SLC8A2: variants seen among roughly 807,000 people sequenced by gnomAD.
SLC8A2 encodes the protein sodium/calcium exchanger 2.
Under a neutral mutation model 70.2 loss-of-function variants are expected in SLC8A2, and 14 were observed. The ratio of observed to expected loss-of-function variants is 0.20; its 90% CI spans 0.13 to 0.31. The LOEUF (loss-of-function observed/expected upper bound fraction) is 0.31. Ranked by LOEUF, SLC8A2 falls within the 10% of genes least tolerant of loss-of-function variation. The pLI, the probability that SLC8A2 is intolerant of heterozygous loss-of-function variation, is 1.00. For synonymous variants in SLC8A2, 575 were observed against 594.3 expected (o/e 0.97, Z 0.47); for missense variants, 779 against 1,320.1 (o/e 0.59, Z 6.35).
Position 47,448,186 on chromosome 19 carries a change from C to G in SLC8A2, c.1386G>C (p.Leu462=). 1 of 1,610,622 alleles carries G rather than the reference C, an allele frequency of 6.2e-7. No individual in the cohort carries two copies. The highest frequency in any genetic ancestry group is 8.5e-7 in the Non-Finnish European group (1 of 1,178,274). ...VFKPGETQKE[L]RIGIIDDDIF... ...TGTCGTCGTCGATGATGCCGATGCG[C>G]AGCTCCTTCTGCGTCTCGCCTGGTT... Residue 462 remains leucine, a synonymous_variant, in exon 4 of 10, where the codon CTG becomes CTC. Transcript: ENST00000236877. This position sits in a 1 kb window ranked among gnomAD's most constrained non-coding sequence, Gnocchi z 4.8.
intron 3 of SLC8A2, among the ~76,000 whole-genome samples, chr19:47,456,128 G>A (rs1412910586): frequency 6.6e-6 from 1 of 152,174 alleles, no homozygotes; most frequent in African/African-American, 2.4e-5. Flanking sequence ...AGTAATGGTG[G>A]GAGAAGGCTT....
At chr19:47,437,664 C>T in intron 7 of SLC8A2, 103 bp from the exon 8 acceptor site, 1 of 1,172,448 alleles carries the variant, frequency 8.5e-7, no homozygotes, top group Non-Finnish European at 1.3e-6. Context: ...CCCAGGGGTC[C>T]TCAACTTTCC....
At chr19:47,443,868 G>A (rs1411504515) in intron 4 of SLC8A2, among the ~76,000 whole-genome samples, 3 of 151,772 alleles carry the variant, frequency 2.0e-5, no homozygotes, top group East Asian at 1.9e-4. Context: ...GACTCTCTCC[G>A]TTCTCTGTCT....
At chr19:47,470,703 C>T (rs1373680133) in intron 1 of SLC8A2, among the ~76,000 whole-genome samples, 1 of 152,316 alleles carries the variant, frequency 6.6e-6, no homozygotes, top group Non-Finnish European at 1.5e-5. Flanking sequence ...GCAGGAAGGA[C>T]TGGTCCAGTT....
intron 2 of SLC8A2, among the ~76,000 whole-genome samples, chr19:47,463,041 TATAA>T (rs1271824944): frequency 6.6e-6 from 1 of 152,202 alleles, no homozygotes; most frequent in Non-Finnish European, 1.5e-5. Flanking sequence ...GCTTATTCAT[TATAA>T]ATAGATGCCT....
rs752319294 is a variant in SLC8A2 at position 47,437,465 on chromosome 19, C to T, written c.2107G>A (p.Ala703Thr). The change falls in exon 8 of 10, where the codon GCA becomes ACA. Residue 703 changes from alanine to threonine, a missense_variant. By Grantham distance (58) the Ala-to-Thr change is moderately conservative. Transcript: ENST00000236877. Reference protein sequence around the residue: ...EQFLEAITVSAGDEEEEEDGS... With the variant: ...EQFLEAITVSTGDEEEEEDGS... ...TCTCTCCTCCCTCCCCACTTACCTG[C>T]GCTCACCGTAATTGCCTCTAAAAAC... 5.6e-6 allele frequency: 9 copies of T among 1,598,146 alleles called. No homozygotes were observed. The highest frequency in any genetic ancestry group is 2.7e-5 in the African/African-American group (2 of 74,664).
rs143434197 is a variant in SLC8A2, at chr19:47,440,207, C to G, written c.1885+962G>C. ...AACCTAAATTCCTCAAACTCTATTA[C>G]TCACCTCAAAGTCCAACTTTAGCTT... On this transcript the variant is annotated intron_variant, in intron 6 of 9. Coordinates refer to ENST00000236877, the MANE Select transcript of SLC8A2 (RefSeq NM_015063.3). Among the ~76,000 whole-genome samples, 6 of 152,248 alleles carry G rather than the reference C, an allele frequency of 3.9e-5. No individual in the cohort carries two copies. In the East Asian group the frequency reaches 1.2e-3, roughly 29 times the overall value.
In SLC8A2 at chr19:47,468,220, C is replaced by T. The variant is rs959680539; in HGVS notation, c.-16-1801G>A. On this transcript the variant is annotated intron_variant, in intron 1 of 9. Transcript: ENST00000236877. The surrounding 1 kb of genome is among the most constrained non-coding windows in gnomAD (Gnocchi z 5.1). ...TGCCTCAGCCACCCTCTCCTCCCCT[C>T]TGCTCCTCAGCCTCACCAGACAAGC... Among the ~76,000 whole-genome samples the T allele has an allele frequency of 1.3e-5, 2 of 152,126 alleles. No homozygotes were observed. Among genetic ancestry groups the T allele is most frequent in the African/African-American group, 4.8e-5 (2 of 41,438 alleles).
At chr19:47,445,717 C>A (rs1030772595) in intron 4 of SLC8A2, among the ~76,000 whole-genome samples, 5 of 152,140 alleles carry the variant, frequency 3.3e-5, no homozygotes, top group African/African-American at 1.2e-4. Flanking sequence ...CAGAGGGTGT[C>A]CCAGCCTGGG....
chr19:47,456,479 C>T (rs546766986), intron 3 of SLC8A2, among the ~76,000 whole-genome samples: 4 of 152,258 alleles, frequency 2.6e-5, no homozygotes, highest in Admixed American at 6.5e-5. Context: ...GCCTGGCCAA[C>T]GTGGTGAAAC....
At chr19:47,454,731 G>C (rs1234391250) in intron 3 of SLC8A2, among the ~76,000 whole-genome samples, 1 of 152,102 alleles carries the variant, frequency 6.6e-6, no homozygotes, top group Non-Finnish European at 1.5e-5. Flanking sequence ...TGAGGGCAGA[G>C]AGGGAAGAAG....
At position 47,447,951 on chromosome 19, in the gene SLC8A2, C is replaced by T. The variant is rs1967188480; in HGVS notation, c.1621G>A (p.Val541Met). Residue 541 changes from valine to methionine, a missense_variant, in exon 4 of 10, where the codon GTG (valine) becomes ATG (methionine). By Grantham distance (21) the Val-to-Met change is conservative. Coordinates refer to ENST00000236877, the MANE Select transcript of SLC8A2 (RefSeq NM_015063.3). The surrounding 1 kb of genome is among the most constrained non-coding windows in gnomAD (Gnocchi z 5.1). ...GAGCTGCGCACGACGCGCACGTCCA[C>T]GGTGCCCATGCACTCGCTCACGTGC... ...LLHVSECMGT[V>M]DVRVVRSSGA... The T allele has an allele frequency of 1.3e-6, 2 of 1,561,824 alleles. No homozygotes were observed. Among genetic ancestry groups the T allele is most frequent in the Non-Finnish European group, 1.7e-6 (2 of 1,153,240 alleles).
At chr19:47,435,380 C>T (rs1424835152) in intron 8 of SLC8A2, among the ~76,000 whole-genome samples, 4 of 152,136 alleles carry the variant, frequency 2.6e-5, no homozygotes, top group South Asian at 2.1e-4. Context: ...TCTCTACGAC[C>T]GCCACCTCCC....
chr19:47,437,416 C>T (rs1967043523), intron 8 of SLC8A2, 46 bp downstream of exon 8: 1 of 1,279,752 alleles, frequency 7.8e-7, no homozygotes, highest in Middle Eastern at 1.9e-4. Context: ...CCCTGTGTCT[C>T]TGTCTCTCCA....
chr19:47,447,664 C>G lies in SLC8A2; in HGVS notation c.1763+145G>C, dbSNP rs1037714672. ...GGCCCCGCCCACGTTGCGGGCACGG[C>G]CACGCAGGCCCCTCCCCTCCCGAGG... On this transcript the variant is annotated intron_variant, in intron 4 of 9. Coordinates refer to ENST00000236877, the MANE Select transcript of SLC8A2 (RefSeq NM_015063.3). The surrounding 1 kb of genome is among the most constrained non-coding windows in gnomAD (Gnocchi z 5.1). 2.4e-6 allele frequency: 2 copies of G among 846,742 alleles called. No individual in the cohort carries two copies. Among genetic ancestry groups the G allele is most frequent in the African/African-American group, 1.8e-5 (1 of 54,556 alleles). The allele number at this position is 846,742 out of a possible 1,614,324, so 52.5% of individuals were successfully genotyped here.
At position 47,437,580 on chromosome 19, in the gene SLC8A2, G is replaced by A. The variant is rs1353550010; in HGVS notation, c.2011-19C>T. 1.9e-6 allele frequency: 3 copies of A among 1,583,132 alleles called. No individual in the cohort carries two copies. Among genetic ancestry groups the A allele is most frequent in the East Asian group, 2.2e-5 (1 of 44,722 alleles). ...CCGTGTTCTGGGGATGAGAGGGTGG[G>A]GGAGAGGTCACTGCCCCTGAGCGAA... On this transcript the variant is annotated intron_variant, in intron 7 of 9. Coordinates refer to ENST00000236877, the MANE Select transcript of SLC8A2 (RefSeq NM_015063.3).
Position 47,465,172 on chromosome 19 carries a change from A to C in SLC8A2, c.675+557T>G, listed in dbSNP as rs972982932. ...TGTAGGTATATATCTATGCGAGCCC[A>C]TGGATAAATTATGCAAATTGCACTA... On this transcript the variant is annotated intron_variant, in intron 2 of 9. Coordinates refer to ENST00000236877, the MANE Select transcript of SLC8A2 (RefSeq NM_015063.3). The surrounding 1 kb of genome is among the most constrained non-coding windows in gnomAD (Gnocchi z 5.5). Among the ~76,000 whole-genome samples the C allele has an allele frequency of 3.3e-5, 5 of 152,228 alleles. No homozygotes were observed. Among genetic ancestry groups the C allele is most frequent in the African/African-American group, 1.2e-4 (5 of 41,456 alleles).
At chr19:47,433,294 C>T (rs1966986921) in intron 8 of SLC8A2, among the ~76,000 whole-genome samples, 1 of 152,236 alleles carries the variant, frequency 6.6e-6, no homozygotes, top group Non-Finnish European at 1.5e-5. Flanking sequence ...TTCCCAGAAT[C>T]CCTTGCAGCT....
intron 4 of SLC8A2, among the ~76,000 whole-genome samples, chr19:47,444,744 G>A (rs1258672314): frequency 2.6e-5 from 4 of 152,184 alleles, no homozygotes; most frequent in Non-Finnish European, 5.9e-5. Flanking sequence ...GAAACCCAAC[G>A]CGCAGGAAAC....
Sources: allele counts gnomAD v4.1 joint callset (sites outside exome capture counted in the v4.1 genomes callset), GRCh38; gene constraint gnomAD v4.1.1; non-coding constraint Gnocchi (gnomAD v3.1); transcripts MANE v1.5; gene names NCBI Gene and HGNC (gene_info 2026-07-23, HGNC 2026-07-21).